CHD7: variants seen among roughly 807,000 people sequenced by gnomAD.
The protein encoded by CHD7 is chromodomain helicase DNA binding protein 7.
CHD7 carries 24 observed loss-of-function variants against 307.3 expected under a neutral mutation model. That is an observed-to-expected ratio of 0.08 (90% confidence interval 0.06 to 0.11). The LOEUF is 0.11. CHD7 is among the 10% of genes least tolerant of loss of function. The probability of loss-of-function intolerance (pLI) is 1.00; values close to 1 mark genes in which losing one functional copy is unlikely to be tolerated. For missense variants in CHD7, 3,106 were observed against 3,727.1 expected, an observed-to-expected ratio of 0.83 and a Z score of 4.34; for synonymous variants, 1,363 against 1,349.9, an observed-to-expected ratio of 1.01 and a Z score of -0.21.
At chr8:60,846,862 G>A (rs1805231385) in intron 23 of CHD7, among the ~76,000 whole-genome samples, 1 of 152,232 alleles carries the variant, frequency 6.6e-6, no homozygotes, top group South Asian at 2.1e-4. Flanking sequence ...TTGAACCCGA[G>A]TAGATGAGGG....
intron 1 of CHD7, among the ~76,000 whole-genome samples, chr8:60,735,772 T>C (rs948453622): frequency 3.9e-5 from 6 of 152,226 alleles, no homozygotes; most frequent in Admixed American, 2.6e-4. Context: ...TTTAAACATG[T>C]TACCTCTAAG....
intron 1 of CHD7, among the ~76,000 whole-genome samples, chr8:60,713,379 GGATTACAGGCGTGAGCC>G (rs1239452332): frequency 6.6e-6 from 1 of 152,054 alleles, no homozygotes; most frequent in East Asian, 2.0e-4. Context: ...CAAAGTGCTG[GGATTACAGGCGTGAGCC>G]ACTGCGCCCG....
At chr8:60,830,088 C>T (rs914473746) in intron 14 of CHD7, among the ~76,000 whole-genome samples, 1 of 152,184 alleles carries the variant, frequency 6.6e-6, no homozygotes, top group Non-Finnish European at 1.5e-5. Flanking sequence ...TTCAAGCCTT[C>T]TGGCTGTTCA....
intron 1 of CHD7, among the ~76,000 whole-genome samples, chr8:60,720,980 C>T (rs1048075954): frequency 3.3e-5 from 5 of 152,162 alleles, no homozygotes; most frequent in Admixed American, 1.3e-4. Flanking sequence ...TCTGGGATTC[C>T]GTTGGCGGCT....
intron 1 of CHD7, among the ~76,000 whole-genome samples, chr8:60,680,941 G>A (rs1220917901): frequency 6.6e-6 from 1 of 152,044 alleles, no homozygotes; most frequent in African/African-American, 2.4e-5. Context: ...ATTTTTAAAG[G>A]ATTTTGTGAG....
At chr8:60,719,386 A>T (rs1316193848) in intron 1 of CHD7, among the ~76,000 whole-genome samples, 2 of 152,230 alleles carry the variant, frequency 1.3e-5, no homozygotes, top group Non-Finnish European at 2.9e-5. Context: ...TTAGATAGAT[A>T]GATTGATTTT....
At chr8:60,754,604 A>G (rs774111291) in intron 2 of CHD7, among the ~76,000 whole-genome samples, 7 of 152,220 alleles carry the variant, frequency 4.6e-5, no homozygotes, top group Admixed American at 4.6e-4. Flanking sequence ...ACAAAAATTC[A>G]TAATGTTTTG....
chr8:60,846,115 A>G (rs568223191), intron 23 of CHD7, among the ~76,000 whole-genome samples: 6 of 152,184 alleles, frequency 3.9e-5, no homozygotes, highest in Non-Finnish European at 8.8e-5. Flanking sequence ...CTGTTGACGG[A>G]CACTTGGGCT....
chr8:60,803,709 G>A (rs1368928531), intron 6 of CHD7, among the ~76,000 whole-genome samples: 1 of 152,128 alleles, frequency 6.6e-6, no homozygotes, highest in South Asian at 2.1e-4. Flanking sequence ...TCCATTAGAA[G>A]GTACTAAACA....
intron 23 of CHD7, among the ~76,000 whole-genome samples, chr8:60,847,252 C>T (rs1362258928): frequency 6.6e-6 from 1 of 152,118 alleles, no homozygotes; most frequent in African/African-American, 2.4e-5. Flanking sequence ...TGGGAGTTGT[C>T]TGTTCTGGTG....
At position 60,867,825 on chromosome 8, in the gene CHD7, C is replaced by T. The variant is rs957009921; in HGVS notation, c.*1892C>T. The T allele has an allele frequency of 6.6e-6, 1 of 152,146 alleles. No individual in the cohort carries two copies. Among genetic ancestry groups the T allele is most frequent in the African/African-American group, 2.4e-5 (1 of 41,420 alleles). 9.4% of individuals were successfully genotyped at this position (152,146 alleles called of 1,614,324 possible). On this transcript the variant is annotated 3_prime_UTR_variant, in exon 38 of 38. Coordinates refer to ENST00000423902, the MANE Select transcript of CHD7 (RefSeq NM_017780.4). ...TGTGATTGCTTTTATTTATCATCGT[C>T]GTTGTCTGCTGAAAGTGAATGGGCC... is the stretch of plus-strand genomic sequence containing the variant.
intron 3 of CHD7, among the ~76,000 whole-genome samples, chr8:60,784,399 C>G (rs1279741755): frequency 6.6e-6 from 1 of 152,188 alleles, no homozygotes; most frequent in Admixed American, 6.5e-5. Context: ...TAGCACAGAA[C>G]TGCTGACATC....
intron 2 of CHD7, among the ~76,000 whole-genome samples, chr8:60,747,919 A>C (rs1382223291): frequency 6.6e-6 from 1 of 152,208 alleles, no homozygotes; most frequent in Non-Finnish European, 1.5e-5. Context: ...AACAGTGGGG[A>C]CTCAAAAACA....
intron 36 of CHD7, 63 bp from the exon 37 acceptor site, chr8:60,862,482 GAGT>G (rs1198974083): frequency 9.5e-6 from 14 of 1,476,774 alleles, no homozygotes; most frequent in Non-Finnish European, 1.2e-5. Flanking sequence ...AAGGGGGAGG[GAGT>G]AGATTAACAG....
chr8:60,681,898 T>A (rs1376829619), intron 1 of CHD7, among the ~76,000 whole-genome samples: 1 of 152,226 alleles, frequency 6.6e-6, no homozygotes, highest in African/African-American at 2.4e-5. Flanking sequence ...AAATGAATTA[T>A]AATTTTAAAA....
At chr8:60,711,834 T>C (rs1482553480) in intron 1 of CHD7, among the ~76,000 whole-genome samples, 2 of 152,266 alleles carry the variant, frequency 1.3e-5, no homozygotes, top group East Asian at 3.8e-4. Context: ...TCTCCCATTT[T>C]TCCTACTGTA....
chr8:60,831,975 A>G (rs762806493), intron 15 of CHD7, among the ~76,000 whole-genome samples: 1 of 151,986 alleles, frequency 6.6e-6, no homozygotes, highest in African/African-American at 2.4e-5. Context: ...ACCTGGGATC[A>G]TTGGTGTGAT....
chr8:60,756,636 C>T (rs1433972101), intron 2 of CHD7, among the ~76,000 whole-genome samples: 1 of 152,138 alleles, frequency 6.6e-6, no homozygotes, highest in African/African-American at 2.4e-5. Context: ...GCCATAATTG[C>T]ACCTGTGAAT....
intron 2 of CHD7, among the ~76,000 whole-genome samples, chr8:60,754,817 C>CTG (rs962235006): frequency 1.3e-5 from 2 of 152,198 alleles, no homozygotes; most frequent in African/African-American, 2.4e-5. Context: ...GGGATGGTCG[C>CTG]TGGTATTCCC....
Sources: allele counts gnomAD v4.1 joint callset (sites outside exome capture counted in the v4.1 genomes callset), GRCh38; gene constraint gnomAD v4.1.1; transcripts MANE v1.5; gene names NCBI Gene and HGNC (gene_info 2026-07-23, HGNC 2026-07-21).